Variants in LYPD6B observed in about 807,000 individuals in gnomAD.
The protein encoded by LYPD6B is ly6/PLAUR domain-containing protein 6B.
Under a neutral mutation model 22.8 loss-of-function variants are expected in LYPD6B, and 17 were observed. The observed-to-expected ratio is 0.75, with a 90% CI of 0.51 to 1.12. The LOEUF is 1.12. Among genes scored for constraint, LYPD6B ranks in the 50% most tolerant of loss-of-function variants. LYPD6B has a pLI of 0.00. For missense variants in LYPD6B, 221 were observed against 258.3 expected (o/e 0.86, Z 0.99); for synonymous variants, 106 against 91.6 (o/e 1.16, Z -0.90).
chr2:149,092,124 G>A (rs138758200), intron 1 of LYPD6B, among the ~76,000 whole-genome samples: 1 of 152,168 alleles, frequency 6.6e-6, no homozygotes, highest in African/African-American at 2.4e-5. Context: ...CTTAATATGT[G>A]TCAGGGCGGA....
At chr2:149,082,272 C>T (rs1258207613) in intron 1 of LYPD6B, among the ~76,000 whole-genome samples, 2 of 152,086 alleles carry the variant, frequency 1.3e-5, no homozygotes, top group Non-Finnish European at 2.9e-5. Context: ...GCAAAATGGC[C>T]GATTAGGGAG....
At chr2:149,136,115 A>G (rs1056315658) in intron 2 of LYPD6B, among the ~76,000 whole-genome samples, 1 of 152,200 alleles carries the variant, frequency 6.6e-6, no homozygotes, top group African/African-American at 2.4e-5. Flanking sequence ...GAATACCTAG[A>G]AGAATGAATT....
chr2:149,149,089 G>A (rs977175457), intron 2 of LYPD6B, among the ~76,000 whole-genome samples: 2 of 152,116 alleles, frequency 1.3e-5, no homozygotes, highest in Admixed American at 1.3e-4. Context: ...CAAGGGGTGC[G>A]GGGAGGAAGA....
intron 1 of LYPD6B, among the ~76,000 whole-genome samples, chr2:149,123,838 C>T (rs1256848118): frequency 2.0e-5 from 3 of 152,044 alleles, no homozygotes; most frequent in Non-Finnish European, 4.4e-5. Flanking sequence ...CCAGCCTGGC[C>T]GACAGAGAGA....
intron 3 of LYPD6B, among the ~76,000 whole-genome samples, chr2:149,204,230 G>A (rs1038803549): frequency 2.6e-5 from 4 of 152,174 alleles, no homozygotes; most frequent in Admixed American, 6.5e-5. Context: ...TACAGATGAG[G>A]AAATTGAGGT....
intron 1 of LYPD6B, among the ~76,000 whole-genome samples, chr2:149,091,398 A>T (rs1685644576): frequency 6.6e-6 from 1 of 150,656 alleles, no homozygotes; most frequent in African/African-American, 2.4e-5. Flanking sequence ...TATATATATA[A>T]AGAGTGAAGA....
intron 1 of LYPD6B, among the ~76,000 whole-genome samples, chr2:149,088,113 T>C (rs1685485898): frequency 7.3e-6 from 1 of 136,714 alleles, no homozygotes; most frequent in African/African-American, 2.6e-5. Flanking sequence ...CCCAACTTTA[T>C]GTCCCCTACT....
intron 1 of LYPD6B, among the ~76,000 whole-genome samples, chr2:149,108,622 T>G (rs560558211): frequency 1.3e-5 from 2 of 152,328 alleles, no homozygotes; most frequent in East Asian, 3.9e-4. Flanking sequence ...CAGCATATGA[T>G]TGGATCTTTC....
chr2:149,152,797 C>A (rs1689460726), intron 2 of LYPD6B, among the ~76,000 whole-genome samples: 1 of 152,108 alleles, frequency 6.6e-6, no homozygotes. Context: ...AACTTCTGAC[C>A]ACAGACATCC....
chr2:149,200,750 G>C (rs1693098727), intron 3 of LYPD6B: 1 of 152,130 alleles, frequency 6.6e-6, no homozygotes, highest in African/African-American at 2.4e-5. Flanking sequence ...GTCTCAGGTG[G>C]GGTTTCCTAA....
intron 1 of LYPD6B, among the ~76,000 whole-genome samples, chr2:149,094,171 T>A (rs1685797343): frequency 6.6e-6 from 1 of 152,368 alleles, no homozygotes; most frequent in Non-Finnish European, 1.5e-5. Flanking sequence ...TATGTATGAA[T>A]GAATAGACAT....
chr2:149,196,206 G>T (rs185707808), intron 3 of LYPD6B, among the ~76,000 whole-genome samples: 1 of 152,124 alleles, frequency 6.6e-6, no homozygotes, highest in African/African-American at 2.4e-5. Context: ...CAAGTGACAC[G>T]CTGTAACTTT....
At chr2:149,147,906 C>CTGTG (rs61441741) in intron 2 of LYPD6B, among the ~76,000 whole-genome samples, 1,492 of 139,022 alleles carry the variant, frequency 0.011, 11 homozygotes, top group East Asian at 0.022. Flanking sequence ...GCACATGGGC[C>CTGTG]TGTGTGTGTG....
intron 1 of LYPD6B, among the ~76,000 whole-genome samples, chr2:149,105,069 A>G (rs1330151101): frequency 6.6e-6 from 1 of 152,208 alleles, no homozygotes; most frequent in Non-Finnish European, 1.5e-5. Flanking sequence ...TTTTGTGAAT[A>G]TACATCCAAT....
intron 1 of LYPD6B, among the ~76,000 whole-genome samples, chr2:149,073,888 C>T (rs564742580): frequency 2.6e-5 from 4 of 151,886 alleles, no homozygotes; most frequent in South Asian, 2.1e-4. Context: ...CGGGTGAGGG[C>T]GTGGAGACCC....
At chr2:149,047,557 G>A (rs1558966458) in intron 1 of LYPD6B, among the ~76,000 whole-genome samples, 1 of 151,830 alleles carries the variant, frequency 6.6e-6, no homozygotes. Flanking sequence ...AATATGATAT[G>A]CCTGGGAGTG....
At chr2:149,142,148 A>T (rs1346287270) in intron 2 of LYPD6B, 2 of 152,248 alleles carry the variant, frequency 1.3e-5, no homozygotes, top group African/African-American at 4.8e-5. Context: ...AACTTCACTT[A>T]AGACCAGTTA....
At chr2:149,061,563 A>G (rs73963316) in intron 1 of LYPD6B, among the ~76,000 whole-genome samples, 10,522 of 152,090 alleles carry the variant, frequency 0.069, 764 homozygotes, top group African/African-American at 0.18. Flanking sequence ...GAGGCAGCCC[A>G]GTTAGTATTT....
rs544551176 is a variant in LYPD6B, at chr2:149,051,369, G to A, written c.-67+12568G>A. ...TTTAGTAGAGATGGGGTTTCACCACGTTAGCCAGGATGGTCTCGATCTCCT... is the reference window on the plus strand; with the variant it reads ...TTTAGTAGAGATGGGGTTTCACCACATTAGCCAGGATGGTCTCGATCTCCT... On this transcript the variant is annotated intron_variant, in intron 1 of 6. Coordinates refer to ENST00000409642, the MANE Select transcript of LYPD6B (RefSeq NM_177964.5). 5.9e-5 allele frequency among the ~76,000 whole-genome samples: 9 copies of A among 151,682 alleles called. No individual in the cohort carries two copies. In the East Asian group the frequency reaches 1.6e-3, roughly 26 times the overall value.
Sources: gnomAD v4.1 joint callset for allele counts (sites outside exome capture counted in the v4.1 genomes callset) on GRCh38, gnomAD v4.1.1 for gene constraint, MANE v1.5 for transcripts, NCBI Gene and HGNC (gene_info 2026-07-23, HGNC 2026-07-21) for gene names.